PIWIL2: variants seen among roughly 807,000 people sequenced by gnomAD.
The protein encoded by PIWIL2 is piwi like RNA-mediated gene silencing 2.
A neutral mutation model predicts 116.5 loss-of-function variants in PIWIL2; 81 were observed. That is an observed-to-expected ratio of 0.70 (90% CI 0.58 to 0.84). The LOEUF (loss-of-function observed/expected upper bound fraction) is 0.84. Ranked by LOEUF, PIWIL2 falls within the 40% of genes least tolerant of loss-of-function variation. The probability of loss-of-function intolerance (pLI) is 0.00; values close to 1 mark genes in which losing one functional copy is unlikely to be tolerated. For synonymous variants in PIWIL2, 489 were observed against 429.5 expected (o/e 1.14, Z -1.71); for missense variants, 1,272 against 1,212.3 (o/e 1.05, Z -0.73).
chr8:22,291,489 C>G (rs952519993), intron 10 of PIWIL2, among the ~76,000 whole-genome samples: 1 of 152,116 alleles, frequency 6.6e-6, no homozygotes, highest in Non-Finnish European at 1.5e-5. Context: ...GAAATCTCAT[C>G]TTACACATAA....
chr8:22,322,729 C>T (rs79239395), intron 20 of PIWIL2, among the ~76,000 whole-genome samples: 9,192 of 152,016 alleles, frequency 0.06, 343 homozygotes, highest in Admixed American at 0.091. Context: ...TTAGTAGACA[C>T]GGGATTTCAC....
chr8:22,311,523 T>C (rs1831330623), intron 16 of PIWIL2, among the ~76,000 whole-genome samples: 1 of 152,252 alleles, frequency 6.6e-6, no homozygotes, highest in Non-Finnish European at 1.5e-5. Context: ...GTCTTCTTTT[T>C]CTTACGTAAC....
At chr8:22,324,976 C>T (rs1333999150) in intron 20 of PIWIL2, among the ~76,000 whole-genome samples, 1 of 152,154 alleles carries the variant, frequency 6.6e-6, no homozygotes, top group African/African-American at 2.4e-5. Flanking sequence ...AACTTCTAGC[C>T]TCCAGAACTG....
chr8:22,302,338 C>A (rs759455485), intron 10 of PIWIL2, among the ~76,000 whole-genome samples: 1 of 151,938 alleles, frequency 6.6e-6, no homozygotes, highest in Non-Finnish European at 1.5e-5. Flanking sequence ...CGCACCCCCA[C>A]GCCCAGTTAA....
intron 1 of PIWIL2, among the ~76,000 whole-genome samples, chr8:22,276,186 G>C (rs921907991): frequency 4.3e-4 from 66 of 152,202 alleles, no homozygotes; most frequent in African/African-American, 1.5e-3. Context: ...AAAGAGGATA[G>C]TTTAGTTCAA....
At chr8:22,299,559 A>G (rs1191986214) in intron 10 of PIWIL2, among the ~76,000 whole-genome samples, 1 of 152,182 alleles carries the variant, frequency 6.6e-6, no homozygotes, top group African/African-American at 2.4e-5. Context: ...TACACTCAGT[A>G]TTAATCTGTT....
intron 16 of PIWIL2, among the ~76,000 whole-genome samples, chr8:22,311,900 C>T (rs947102082): frequency 2.0e-5 from 3 of 152,154 alleles, no homozygotes; most frequent in Non-Finnish European, 4.4e-5. Context: ...GTAAATTGTT[C>T]TGGTGAGTTC....
chr8:22,339,500 C>T (rs752178468), intron 20 of PIWIL2, among the ~76,000 whole-genome samples: 1 of 144,392 alleles, frequency 6.9e-6, no homozygotes, highest in Non-Finnish European at 1.5e-5. Context: ...GAGTGAGACT[C>T]CATCTCAAAA....
chr8:22,328,825 T>TTG (rs1268582687), intron 20 of PIWIL2, among the ~76,000 whole-genome samples: 3 of 150,806 alleles, frequency 2.0e-5, no homozygotes, highest in Non-Finnish European at 4.4e-5. Context: ...GTCGTTTTTT[T>TTG]TTTTTTTTTT....
At chr8:22,332,987 T>C (rs1220671808) in intron 20 of PIWIL2, among the ~76,000 whole-genome samples, 1 of 151,948 alleles carries the variant, frequency 6.6e-6, no homozygotes, top group African/African-American at 2.4e-5. Context: ...TATATATTTG[T>C]CTGTGCATAT....
rs1831639020 is a variant in PIWIL2 at position 22,323,020 on chromosome 8, A to G, written c.2403+4745A>G. On this transcript the variant is annotated intron_variant, in intron 20 of 22. Coordinates refer to ENST00000356766, the MANE Select transcript of PIWIL2 (RefSeq NM_018068.5). ...CAACTTCCGCCTCCCCGGTTCAAGC[A>G]CTTCTGCCTCAGCCTTCCGAGTAGC... Among the ~76,000 whole-genome samples the G allele has an allele frequency of 2.7e-5, 4 of 147,202 alleles. No homozygotes were observed. In the South Asian group the frequency reaches 8.6e-4, roughly 32 times the overall value.
At chr8:22,286,911 C>G (rs1446758551) in intron 6 of PIWIL2, among the ~76,000 whole-genome samples, 1 of 151,776 alleles carries the variant, frequency 6.6e-6, no homozygotes, top group Non-Finnish European at 1.5e-5. Flanking sequence ...CATGAGCCAC[C>G]GAGCCAGGGC....
intron 20 of PIWIL2, among the ~76,000 whole-genome samples, chr8:22,336,011 A>G (rs1475477038): frequency 6.6e-6 from 1 of 152,206 alleles, no homozygotes; most frequent in Non-Finnish European, 1.5e-5. Context: ...AACAAAAACT[A>G]ATATAATTAA....
intron 10 of PIWIL2, among the ~76,000 whole-genome samples, chr8:22,301,365 C>G (rs1013863187): frequency 1.3e-5 from 2 of 152,140 alleles, no homozygotes; most frequent in Non-Finnish European, 2.9e-5. Flanking sequence ...GTGGCGCCAT[C>G]TCAGCTCACG....
At chr8:22,288,462 C>A in intron 7 of PIWIL2, 80 bp from the exon 8 acceptor site, 1 of 1,149,766 alleles carries the variant, frequency 8.7e-7, no homozygotes, top group Non-Finnish European at 1.2e-6. Context: ...TTCTTAAGAA[C>A]ACAGTTGAAT....
intron 8 of PIWIL2, among the ~76,000 whole-genome samples, chr8:22,288,988 GT>G (rs1323582318): frequency 6.6e-6 from 1 of 152,134 alleles, no homozygotes; most frequent in African/African-American, 2.4e-5. Context: ...ACTTAAAGAG[GT>G]TGTGTGTAAA....
Position 22,307,473 on chromosome 8 carries a change from A to AATTTTTTTTTTTTTTTT in PIWIL2, c.1546-460_1546-459insATTTTTTTTTTTTTTTT, listed in dbSNP as rs1563379262. Among the ~76,000 whole-genome samples the AATTTTTTTTTTTTTTTT allele has an allele frequency of 9.0e-5, 10 of 111,258 alleles. 5 individuals are homozygous for AATTTTTTTTTTTTTTTT. The highest frequency in any genetic ancestry group is 8.8e-5 in the African/African-American group (2 of 22,632). The allele number at this position is 111,258 out of a possible 152,430, so 73.0% of individuals were successfully genotyped here. On this transcript the variant is annotated intron_variant, in intron 13 of 22. Transcript: ENST00000356766. ...GACATTTGAAATTCTTTTATTATTCATTTTTTTTTTTTTTTTTTTTTTTTT... is the reference window on the plus strand; with the variant it reads ...GACATTTGAAATTCTTTTATTATTCAATTTTTTTTTTTTTTTTTTTTTTTTTTTTTTTTTTTTTTTTT...
chr8:22,310,459 G>T (rs1831301094), intron 15 of PIWIL2, among the ~76,000 whole-genome samples: 1 of 152,088 alleles, frequency 6.6e-6, no homozygotes, highest in Non-Finnish European at 1.5e-5. Context: ...CTAGCTATTT[G>T]TATCAAGGTA....
chr8:22,294,576 G>C (rs1292092608), intron 10 of PIWIL2, among the ~76,000 whole-genome samples: 1 of 145,864 alleles, frequency 6.9e-6, no homozygotes, highest in Non-Finnish European at 1.5e-5. Context: ...AGGAGGCGGA[G>C]CTTGCAGTGA....
Sources: allele counts gnomAD v4.1 joint callset (sites outside exome capture counted in the v4.1 genomes callset), GRCh38; gene constraint gnomAD v4.1.1; transcripts MANE v1.5; gene names NCBI Gene and HGNC (gene_info 2026-07-23, HGNC 2026-07-21).